The following THSD7B variants were observed in gnomAD, a reference collection of about 807,000 sequenced individuals.
The protein encoded by THSD7B is thrombospondin type-1 domain-containing protein 7B.
Under a neutral mutation model 213.6 loss-of-function variants are expected in THSD7B, and 138 were observed. That is an observed-to-expected ratio of 0.65 (90% CI 0.56 to 0.74). The LOEUF is 0.74. Ranked by LOEUF, THSD7B falls within the 30% of genes least tolerant of loss-of-function variation. The pLI is 0.00. For missense variants in THSD7B, 1,931 were observed against 1,991.5 expected, an observed-to-expected ratio of 0.97 and a Z score of 0.58; for synonymous variants, 742 against 687.0, an observed-to-expected ratio of 1.08 and a Z score of -1.25.
At chr2:137,335,562 A>G (rs1056743144) in intron 12 of THSD7B, among the ~76,000 whole-genome samples, 1 of 152,174 alleles carries the variant, frequency 6.6e-6, no homozygotes, top group African/African-American at 2.4e-5. Flanking sequence ...CCTCTAAATA[A>G]ATCAGCAACA....
intron 2 of THSD7B, among the ~76,000 whole-genome samples, chr2:136,977,838 C>G (rs1573745515): frequency 7.0e-6 from 1 of 143,320 alleles, no homozygotes; most frequent in African/African-American, 2.6e-5. Flanking sequence ...GAGTCTTGCT[C>G]TGTCACCCAG....
Position 137,502,974 on chromosome 2 carries a change from A to G in THSD7B, c.3138+51951A>G, listed in dbSNP as rs74668128. Among the ~76,000 whole-genome samples, 174 of 152,322 alleles carry G rather than the reference A, an allele frequency of 1.1e-3. 3 individuals are homozygous for G. In the East Asian group the frequency reaches 0.031, roughly 28 times the overall value. On this transcript the variant is annotated intron_variant, in intron 15 of 27. Coordinates refer to ENST00000409968, the MANE Select transcript of THSD7B (RefSeq NM_001316349.2). ...TAGAAGATGCTAGTCATTACTGCATATTACATATATTACATAATAACAGGC... is the reference window on the plus strand; with the variant it reads ...TAGAAGATGCTAGTCATTACTGCATGTTACATATATTACATAATAACAGGC...
chr2:136,869,285 CAG>C (rs1376249526), intron 1 of THSD7B, among the ~76,000 whole-genome samples: 1 of 152,288 alleles, frequency 6.6e-6, no homozygotes, highest in African/African-American at 2.4e-5. Context: ...ACAGATAATT[CAG>C]AGACTCAAAC....
At chr2:137,234,085 C>A (rs922307473) in intron 9 of THSD7B, among the ~76,000 whole-genome samples, 4 of 152,080 alleles carry the variant, frequency 2.6e-5, no homozygotes, top group African/African-American at 9.7e-5. Flanking sequence ...AGCATATGAG[C>A]TGAGAGTTGC....
At chr2:136,971,977 A>G (rs903819134) in intron 2 of THSD7B, among the ~76,000 whole-genome samples, 1 of 152,168 alleles carries the variant, frequency 6.6e-6, no homozygotes, top group East Asian at 1.9e-4. Flanking sequence ...GCATTCAATT[A>G]TGATAAAGTC....
chr2:137,151,907 G>T (rs1035271830), intron 5 of THSD7B, among the ~76,000 whole-genome samples: 11 of 152,056 alleles, frequency 7.2e-5, no homozygotes, highest in Non-Finnish European at 1.3e-4. Context: ...AGTCCTTGAG[G>T]TGAAGTGTCA....
At chr2:137,368,066 C>A (rs1280113988) in intron 12 of THSD7B, among the ~76,000 whole-genome samples, 1 of 151,886 alleles carries the variant, frequency 6.6e-6, no homozygotes, top group Non-Finnish European at 1.5e-5. Context: ...GGACTCAGGG[C>A]CACTTTTCTT....
At chr2:137,151,397 A>G (rs1019217531) in intron 5 of THSD7B, among the ~76,000 whole-genome samples, 30 of 152,134 alleles carry the variant, frequency 2.0e-4, no homozygotes, top group African/African-American at 2.4e-5. Context: ...ACGTAGGGTA[A>G]GGATCATCAA....
chr2:137,168,777 A>G (rs567564219), intron 6 of THSD7B, among the ~76,000 whole-genome samples: 7 of 152,200 alleles, frequency 4.6e-5, no homozygotes, highest in Non-Finnish European at 1.0e-4. Flanking sequence ...AAGCAAAAAT[A>G]TAAGACAATA....
At chr2:136,970,948 A>G (rs1685394522) in intron 2 of THSD7B, among the ~76,000 whole-genome samples, 1 of 152,242 alleles carries the variant, frequency 6.6e-6, no homozygotes. Flanking sequence ...TAAACATACA[A>G]TAAAGCCACA....
At chr2:136,821,678 C>A (rs1682566383) in intron 1 of THSD7B, among the ~76,000 whole-genome samples, 2 of 152,200 alleles carry the variant, frequency 1.3e-5, no homozygotes, top group Admixed American at 1.3e-4. Context: ...TGCAAAGTCT[C>A]CTTCCGCGGT....
chr2:137,574,964 C>T (rs981178036), intron 17 of THSD7B, among the ~76,000 whole-genome samples: 6 of 152,018 alleles, frequency 3.9e-5, no homozygotes, highest in African/African-American at 1.4e-4. Context: ...TTAATATTTG[C>T]CATTATTTTA....
chr2:137,180,409 TTACTG>T (rs1167681738), intron 7 of THSD7B, among the ~76,000 whole-genome samples: 2 of 152,162 alleles, frequency 1.3e-5, no homozygotes, highest in South Asian at 2.1e-4. Context: ...ATCAATGCCT[TTACTG>T]TATTATATTA....
Position 137,495,540 on chromosome 2 carries a change from C to T in THSD7B, c.3138+44517C>T, listed in dbSNP as rs368684974. On this transcript the variant is annotated intron_variant, in intron 15 of 27. Transcript: ENST00000409968. ...ACTTCCAAGGGTAAAATTTCATCGCCCCAAGGATTATCTTGGGAGGGACTC... is the reference window on the plus strand; with the variant it reads ...ACTTCCAAGGGTAAAATTTCATCGCTCCAAGGATTATCTTGGGAGGGACTC... Among the ~76,000 whole-genome samples the T allele has an allele frequency of 3.8e-4, 58 of 152,158 alleles. 1 individual carries two copies. The highest frequency in any genetic ancestry group is 2.9e-3 in the Admixed American group (44 of 15,280).
chr2:137,022,546 G>GTT (rs150514343), intron 2 of THSD7B, among the ~76,000 whole-genome samples: 30 of 147,858 alleles, frequency 2.0e-4, no homozygotes, highest in African/African-American at 5.0e-4. Flanking sequence ...AAAAATCTTC[G>GTT]TTTTTTTTTT....
intron 12 of THSD7B, among the ~76,000 whole-genome samples, chr2:137,281,898 T>G (rs1403116646): frequency 1.3e-5 from 2 of 152,210 alleles, no homozygotes; most frequent in Non-Finnish European, 2.9e-5. Flanking sequence ...GCATGATTTA[T>G]AGTCCTTTGG....
intron 2 of THSD7B, among the ~76,000 whole-genome samples, chr2:136,896,016 G>A (rs1683953482): frequency 6.6e-6 from 1 of 152,014 alleles, no homozygotes; most frequent in South Asian, 2.1e-4. Context: ...CATTTGTGTT[G>A]TTTCTACTCT....
intron 14 of THSD7B, among the ~76,000 whole-genome samples, chr2:137,419,694 G>A (rs6734554): frequency 0.017 from 2,637 of 151,904 alleles, 90 homozygotes; most frequent in African/African-American, 0.06. Context: ...GGTGGGGATC[G>A]ATCGGTGGAA....
At chr2:136,849,162 T>C in intron 1 of THSD7B, among the ~76,000 whole-genome samples, 1 of 152,196 alleles carries the variant, frequency 6.6e-6, no homozygotes, top group Admixed American at 6.5e-5. Flanking sequence ...TGGTTTCTGA[T>C]GCATTTTGTC....
Sources: allele counts gnomAD v4.1 joint callset (sites outside exome capture counted in the v4.1 genomes callset), GRCh38; gene constraint gnomAD v4.1.1; transcripts MANE v1.5; gene names NCBI Gene and HGNC (gene_info 2026-07-23, HGNC 2026-07-21).